CMTM8: variants seen among roughly 807,000 people sequenced by gnomAD.
The protein encoded by CMTM8 is CKLF like MARVEL transmembrane domain containing 8.
Under a neutral mutation model 18.6 loss-of-function variants are expected in CMTM8, and 12 were observed. The ratio of observed to expected loss-of-function variants is 0.65; its 90% CI spans 0.41 to 1.05. The LOEUF is 1.05. CMTM8 is among the 50% of genes least tolerant of loss of function. The probability of loss-of-function intolerance (pLI) is 0.00; values close to 1 mark genes in which losing one functional copy is unlikely to be tolerated. For missense variants in CMTM8, 217 were observed against 227.2 expected, an observed-to-expected ratio of 0.95 and a Z score of 0.29; for synonymous variants, 87 against 90.6, an observed-to-expected ratio of 0.96 and a Z score of 0.23.
intron 1 of CMTM8, among the ~76,000 whole-genome samples, chr3:32,295,253 C>T (rs1702852528): frequency 6.6e-6 from 1 of 151,602 alleles, no homozygotes; most frequent in African/African-American, 2.4e-5. Flanking sequence ...GTCAGGAGTT[C>T]GAGAACAGCC....
intron 1 of CMTM8, among the ~76,000 whole-genome samples, chr3:32,241,771 C>A (rs1288749529): frequency 1.3e-5 from 2 of 152,246 alleles, no homozygotes; most frequent in African/African-American, 4.8e-5. Flanking sequence ...TGACCTATGA[C>A]ACTGTAAATA....
chr3:32,368,414 G>T (rs909472707), intron 3 of CMTM8, among the ~76,000 whole-genome samples: 7 of 151,126 alleles, frequency 4.6e-5, no homozygotes, highest in Admixed American at 4.6e-4. Flanking sequence ...TCCTTCTAGA[G>T]ACTGGGATCG....
At chr3:32,311,946 G>A (rs1695827418) in intron 1 of CMTM8, among the ~76,000 whole-genome samples, 1 of 152,168 alleles carries the variant, frequency 6.6e-6, no homozygotes, top group Admixed American at 6.5e-5. Flanking sequence ...GAAGTCCTCT[G>A]GAGAACAAAA....
intron 1 of CMTM8, among the ~76,000 whole-genome samples, chr3:32,287,305 A>AT (rs1310713916): frequency 1.1e-4 from 17 of 152,282 alleles, no homozygotes; most frequent in Admixed American, 9.2e-4. Context: ...TTTTTCTTCA[A>AT]TTTTTTGTCT....
intron 1 of CMTM8, among the ~76,000 whole-genome samples, chr3:32,355,984 A>C (rs1696807974): frequency 6.6e-6 from 1 of 152,124 alleles, no homozygotes; most frequent in South Asian, 2.1e-4. Context: ...GACCCTTATC[A>C]TACCGTTTAC....
intron 1 of CMTM8, among the ~76,000 whole-genome samples, chr3:32,292,335 CA>C (rs1702794707): frequency 6.6e-6 from 1 of 152,166 alleles, no homozygotes; most frequent in Non-Finnish European, 1.5e-5. Flanking sequence ...ACAGATAAGA[CA>C]GGGGCCAAGA....
intron 1 of CMTM8, among the ~76,000 whole-genome samples, chr3:32,278,067 T>G (rs1702546342): frequency 2.6e-5 from 4 of 152,248 alleles, no homozygotes; most frequent in Admixed American, 2.6e-4. Flanking sequence ...CCCTGTTCTC[T>G]GCAGTGGGTT....
chr3:32,321,431 T>G (rs1575175668), intron 1 of CMTM8, among the ~76,000 whole-genome samples: 4 of 152,172 alleles, frequency 2.6e-5, no homozygotes, highest in South Asian at 4.1e-4. Context: ...CCTGACCTTT[T>G]CAGTGCCATG....
chr3:32,274,690 C>T (rs1702490475), intron 1 of CMTM8, among the ~76,000 whole-genome samples: 1 of 152,164 alleles, frequency 6.6e-6, no homozygotes, highest in Non-Finnish European at 1.5e-5. Context: ...TAATAATGTT[C>T]CTTATATTCT....
chr3:32,360,840 G>A (rs890787812), intron 2 of CMTM8, among the ~76,000 whole-genome samples: 1 of 152,230 alleles, frequency 6.6e-6, no homozygotes, highest in Admixed American at 6.5e-5. Context: ...CAGAAATTCT[G>A]TAGAGGGCTT....
intron 2 of CMTM8, among the ~76,000 whole-genome samples, chr3:32,366,056 A>C (rs1697026450): frequency 6.6e-6 from 1 of 151,708 alleles, no homozygotes; most frequent in Non-Finnish European, 1.5e-5. Flanking sequence ...ATTTCCTCCA[A>C]CCCAGGCATT....
chr3:32,316,539 C>G (rs148047441), intron 1 of CMTM8, among the ~76,000 whole-genome samples: 32 of 152,302 alleles, frequency 2.1e-4, no homozygotes, highest in African/African-American at 6.5e-4. Flanking sequence ...AAGAATGCAG[C>G]CTTTATTGTT....
chr3:32,307,594 G>A (rs1451062703), intron 1 of CMTM8, among the ~76,000 whole-genome samples: 5 of 152,164 alleles, frequency 3.3e-5, no homozygotes, highest in African/African-American at 9.7e-5. Context: ...TGCATGTGTA[G>A]GTATGTAGCT....
chr3:32,290,919 T>G (rs1190781832), intron 1 of CMTM8, among the ~76,000 whole-genome samples: 1 of 152,212 alleles, frequency 6.6e-6, no homozygotes, highest in Non-Finnish European at 1.5e-5. Flanking sequence ...GGCTCATTTT[T>G]GTATTTTTTC....
At position 32,319,074 on chromosome 3, in the gene CMTM8, A is replaced by ATATTTTTTTTTTTTTT; in HGVS notation, c.148-38298_148-38297insATTTTTTTTTTTTTTT. On this transcript the variant is annotated intron_variant, in intron 1 of 3. Coordinates refer to ENST00000307526, the MANE Select transcript of CMTM8 (RefSeq NM_178868.5). ...TGTATATACATATATATATATATAT[A>ATATTTTTTTTTTTTTT]TTTTTTTTTTTTTTTTTTTTTGAGA... is the stretch of plus-strand genomic sequence containing the variant. 1.6e-4 allele frequency among the ~76,000 whole-genome samples: 5 copies of ATATTTTTTTTTTTTTT among 31,528 alleles called. 1 individual carries two copies. Among genetic ancestry groups the ATATTTTTTTTTTTTTT allele is most frequent in the Non-Finnish European group, 1.5e-4 (3 of 19,618 alleles). The allele number at this position is 31,528 out of a possible 152,430, so 20.7% of individuals were successfully genotyped here.
chr3:32,354,537 G>A (rs983719659), intron 1 of CMTM8, among the ~76,000 whole-genome samples: 10 of 152,134 alleles, frequency 6.6e-5, no homozygotes, highest in Admixed American at 5.2e-4. Flanking sequence ...GGCTTCACTC[G>A]CGTTAATAAT....
chr3:32,356,403 C>T (rs1438498993), intron 1 of CMTM8, among the ~76,000 whole-genome samples: 1 of 152,198 alleles, frequency 6.6e-6, no homozygotes, highest in African/African-American at 2.4e-5. Flanking sequence ...GCATACCTTG[C>T]TCTAGCCTTC....
chr3:32,332,894 C>T (rs1324089048), intron 1 of CMTM8, among the ~76,000 whole-genome samples: 3 of 152,108 alleles, frequency 2.0e-5, no homozygotes, highest in African/African-American at 4.8e-5. Flanking sequence ...TACTGTTATC[C>T]TCTCCCCTTC....
In CMTM8 at chr3:32,370,007, C is replaced by T. The variant is rs765182638; in HGVS notation, c.*40C>T. ...AATTAAAAGGAAAAAAAAAGGAAGACTCTCACTGTAAAAACAGCTGTAGGT... is the reference window on the plus strand; with the variant it reads ...AATTAAAAGGAAAAAAAAAGGAAGATTCTCACTGTAAAAACAGCTGTAGGT... On this transcript the variant is annotated 3_prime_UTR_variant, in exon 4 of 4. Coordinates refer to ENST00000307526, the MANE Select transcript of CMTM8 (RefSeq NM_178868.5). 8.0e-7 allele frequency: 1 copy of T among 1,243,396 alleles called. No homozygotes were observed. The highest frequency in any genetic ancestry group is 1.4e-5 in the South Asian group (1 of 72,800). 77.0% of individuals were successfully genotyped at this position (1,243,396 alleles called of 1,614,324 possible). A position where few individuals can be genotyped will look rare whatever the true frequency, so the allele number is the denominator to read the frequency against.
Sources: gnomAD v4.1 joint callset for allele counts (sites outside exome capture counted in the v4.1 genomes callset) on GRCh38, gnomAD v4.1.1 for gene constraint, MANE v1.5 for transcripts, NCBI Gene and HGNC (gene_info 2026-07-23, HGNC 2026-07-21) for gene names.